DIS3L2: variants seen among roughly 807,000 people sequenced by gnomAD.
The protein encoded by DIS3L2 is DIS3-like exonuclease 2.
DIS3L2 carries 34 observed loss-of-function variants against 97.5 expected under a neutral mutation model. The observed-to-expected ratio is 0.35, with a 90% CI of 0.27 to 0.46. The LOEUF is 0.46. Ranked by LOEUF, DIS3L2 falls within the 20% of genes least tolerant of loss-of-function variation. The pLI, the probability that DIS3L2 is intolerant of heterozygous loss-of-function variation, is 1.00. For missense variants in DIS3L2, 1,038 were observed against 1,146.0 expected, an observed-to-expected ratio of 0.91 and a Z score of 1.36; for synonymous variants, 435 against 445.2, an observed-to-expected ratio of 0.98 and a Z score of 0.29.
chr2:232,080,035 A>T (rs1696340585), intron 5 of DIS3L2, among the ~76,000 whole-genome samples: 1 of 152,246 alleles, frequency 6.6e-6, no homozygotes, highest in African/African-American at 2.4e-5. Context: ...ATTGGTCCAA[A>T]ATGGAAATAA....
intron 11 of DIS3L2, among the ~76,000 whole-genome samples, chr2:232,247,528 T>C (rs1402738674): frequency 1.3e-5 from 2 of 149,810 alleles, no homozygotes; most frequent in African/African-American, 2.5e-5. Context: ...CACCACCCCG[T>C]GTCCTCATTT....
intron 10 of DIS3L2, among the ~76,000 whole-genome samples, chr2:232,221,641 T>C (rs558654170): frequency 6.3e-4 from 96 of 152,036 alleles, no homozygotes; most frequent in Non-Finnish European, 1.2e-3. Context: ...CTGTCTCTAC[T>C]AAAAATACAA....
intron 8 of DIS3L2, among the ~76,000 whole-genome samples, chr2:232,140,134 C>T (rs1698470208): frequency 6.6e-6 from 1 of 152,154 alleles, no homozygotes; most frequent in Non-Finnish European, 1.5e-5. Flanking sequence ...TTGCACATTA[C>T]ACTTCCTTTC....
At chr2:232,074,987 A>C (rs1696143116) in intron 5 of DIS3L2, among the ~76,000 whole-genome samples, 1 of 152,204 alleles carries the variant, frequency 6.6e-6, no homozygotes, top group Admixed American at 6.5e-5. Context: ...CATTCACAGA[A>C]GAGCTGGGTC....
chr2:232,095,368 T>A (rs3100586), intron 6 of DIS3L2, among the ~76,000 whole-genome samples: 121,159 of 152,174 alleles, frequency 0.8, 48,893 homozygotes, highest in African/African-American at 0.91. Context: ...ATGCTATCCT[T>A]TAACCCATTA....
At chr2:232,086,287 A>G (rs1696589972) in intron 5 of DIS3L2, among the ~76,000 whole-genome samples, 1 of 150,132 alleles carries the variant, frequency 6.7e-6, no homozygotes, top group African/African-American at 2.4e-5. Flanking sequence ...ATATACGTAT[A>G]TATGTATACA....
intron 1 of DIS3L2, among the ~76,000 whole-genome samples, chr2:231,970,371 A>G (rs977205422): frequency 2.6e-5 from 4 of 152,236 alleles, no homozygotes; most frequent in African/African-American, 7.2e-5. Flanking sequence ...CAAACCTCAT[A>G]GAGTGTACTT....
intron 6 of DIS3L2, among the ~76,000 whole-genome samples, chr2:232,110,599 C>G (rs115102193): frequency 0.024 from 3,578 of 152,220 alleles, 73 homozygotes; most frequent in Middle Eastern, 0.048. Context: ...AATGCAGGAA[C>G]AGAAAACCAA....
chr2:232,327,363 T>A (rs1381983359), intron 14 of DIS3L2, among the ~76,000 whole-genome samples: 4 of 152,186 alleles, frequency 2.6e-5, no homozygotes, highest in Non-Finnish European at 1.5e-5. Flanking sequence ...GCAGCTGGGC[T>A]GGAGGGGAAA....
chr2:232,259,657 C>T (rs960186401), intron 12 of DIS3L2, among the ~76,000 whole-genome samples: 3 of 152,006 alleles, frequency 2.0e-5, no homozygotes, highest in South Asian at 2.1e-4. Context: ...CTCACTGTGT[C>T]GCCCAAGCTG....
intron 13 of DIS3L2, chr2:232,343,179 A>G (rs1374366002): frequency 1.5e-6 from 1 of 663,988 alleles, no homozygotes. Context: ...GACTAGCTGC[A>G]GGCAAATATG....
intron 1 of DIS3L2, among the ~76,000 whole-genome samples, chr2:231,981,636 A>ATATG (rs1553596968): frequency 7.4e-6 from 1 of 135,242 alleles, no homozygotes; most frequent in Admixed American, 7.6e-5. Flanking sequence ...ATATATATAT[A>ATATG]TGAGACATAT....
At chr2:232,115,240 CTT>C (rs1387266698) in intron 6 of DIS3L2, among the ~76,000 whole-genome samples, 2 of 151,968 alleles carry the variant, frequency 1.3e-5, no homozygotes, top group Non-Finnish European at 2.9e-5. Flanking sequence ...GGGATGATTA[CTT>C]TCAAGGAACA....
intron 5 of DIS3L2, among the ~76,000 whole-genome samples, chr2:232,068,171 A>G (rs10221798): frequency 0.046 from 6,996 of 152,300 alleles, 530 homozygotes; most frequent in African/African-American, 0.16. Flanking sequence ...AGAGTTGGCT[A>G]TACGTGAAAT....
rs569240957 is a variant in DIS3L2 at position 232,006,456 on chromosome 2, C to T, written c.-93-8379C>T. ...TAATGGAGAAAAAGAGATTAGATGTCTACTGTTGCTGCCCAGGGATGATAA... is the reference window on the plus strand; with the variant it reads ...TAATGGAGAAAAAGAGATTAGATGTTTACTGTTGCTGCCCAGGGATGATAA... On this transcript the variant is annotated intron_variant, in intron 1 of 20. Coordinates refer to ENST00000325385, the MANE Select transcript of DIS3L2 (RefSeq NM_152383.5). 2.6e-5 allele frequency among the ~76,000 whole-genome samples: 4 copies of T among 152,188 alleles called. No homozygotes were observed. In the South Asian group the frequency reaches 8.3e-4, roughly 32 times the overall value.
At chr2:232,342,062 G>C (rs1183042327), downstream of DIS3L2, among the ~76,000 whole-genome samples, 1 of 152,116 alleles carries the variant, frequency 6.6e-6, no homozygotes, top group Non-Finnish European at 1.5e-5. Context: ...GGGGTAGTTT[G>C]TCACACAACG....
At chr2:232,283,032 C>T (rs1017908945) in intron 13 of DIS3L2, among the ~76,000 whole-genome samples, 1 of 152,144 alleles carries the variant, frequency 6.6e-6, no homozygotes, top group South Asian at 2.1e-4. Context: ...CATCTGTGAC[C>T]ACTGAGAGCC....
chr2:232,028,051 G>T (rs534921191), intron 4 of DIS3L2, among the ~76,000 whole-genome samples: 1 of 152,028 alleles, frequency 6.6e-6, no homozygotes, highest in East Asian at 1.9e-4. Context: ...TTTGTACAGT[G>T]GTGGAATTTA....
At chr2:232,334,816 C>T (rs574027278) in intron 19 of DIS3L2, 81 bp downstream of exon 19, 10 of 1,244,036 alleles carry the variant, frequency 8.0e-6, no homozygotes, top group Middle Eastern at 2.7e-4. Flanking sequence ...TGTGATGGGT[C>T]ACACTCCACC....
Sources: gnomAD v4.1 joint callset for allele counts (sites outside exome capture counted in the v4.1 genomes callset) on GRCh38, gnomAD v4.1.1 for gene constraint, MANE v1.5 for transcripts, NCBI Gene and HGNC (gene_info 2026-07-23, HGNC 2026-07-21) for gene names.